Variants in CACNA2D3 observed in about 807,000 individuals in gnomAD.
The protein encoded by CACNA2D3 is voltage-dependent calcium channel subunit alpha-2/delta-3.
Under a neutral mutation model 160.6 loss-of-function variants are expected in CACNA2D3, and 60 were observed. The ratio of observed to expected loss-of-function variants is 0.37; its 90% CI spans 0.30 to 0.46. The LOEUF (loss-of-function observed/expected upper bound fraction) is 0.46, where lower values mean the gene tolerates loss of function less well. Among genes scored for constraint, CACNA2D3 ranks in the 20% least tolerant of loss-of-function variants. The pLI, the probability that CACNA2D3 is intolerant of heterozygous loss-of-function variation, is 1.00. For synonymous variants in CACNA2D3, 558 were observed against 492.9 expected, an observed-to-expected ratio of 1.13 and a Z score of -1.75; for missense variants, 1,205 against 1,365.0, an observed-to-expected ratio of 0.88 and a Z score of 1.85.
chr3:54,777,457 C>T (rs558648970), intron 13 of CACNA2D3, among the ~76,000 whole-genome samples: 1 of 152,200 alleles, frequency 6.6e-6, no homozygotes, highest in Non-Finnish European at 1.5e-5. Flanking sequence ...AGAAATTTCT[C>T]TCTTGTTCTG....
intron 13 of CACNA2D3, among the ~76,000 whole-genome samples, chr3:54,792,411 A>G (rs1330335053): frequency 6.6e-6 from 1 of 152,212 alleles, no homozygotes; most frequent in Non-Finnish European, 1.5e-5. Context: ...TTTGGCTGTG[A>G]CAGAATTCCA....
At chr3:54,674,627 G>A (rs1700209199) in intron 11 of CACNA2D3, among the ~76,000 whole-genome samples, 1 of 152,134 alleles carries the variant, frequency 6.6e-6, no homozygotes, top group South Asian at 2.1e-4. Flanking sequence ...GGTTCAAGTT[G>A]GTTGGAAGGA....
chr3:54,483,079 G>A (rs1373532639), intron 4 of CACNA2D3, among the ~76,000 whole-genome samples: 1 of 152,188 alleles, frequency 6.6e-6, no homozygotes, highest in Non-Finnish European at 1.5e-5. Context: ...AATGAGTGAT[G>A]AATCCTTTTA....
chr3:54,882,085 C>T (rs1167919655), intron 21 of CACNA2D3, among the ~76,000 whole-genome samples: 5 of 152,206 alleles, frequency 3.3e-5, no homozygotes, highest in African/African-American at 7.2e-5. Flanking sequence ...TTCCCAGAGA[C>T]ATGCCAGAGA....
chr3:54,692,123 G>C (rs1485661219), intron 11 of CACNA2D3, among the ~76,000 whole-genome samples: 1 of 151,984 alleles, frequency 6.6e-6, no homozygotes, highest in Non-Finnish European at 1.5e-5. Context: ...ACAGGCATGC[G>C]CCACCATGCC....
At chr3:54,250,475 C>G (rs754776928) in intron 2 of CACNA2D3, among the ~76,000 whole-genome samples, 16 of 152,040 alleles carry the variant, frequency 1.1e-4, no homozygotes, top group Non-Finnish European at 1.9e-4. Flanking sequence ...GCTTTGTCAC[C>G]TAGACTGGAG....
intron 2 of CACNA2D3, among the ~76,000 whole-genome samples, chr3:54,251,553 G>C (rs1374672121): frequency 5.3e-5 from 8 of 152,172 alleles, no homozygotes; most frequent in Admixed American, 2.0e-4. Context: ...TAGTGAGTGA[G>C]AATGAGTGGG....
chr3:54,839,558 C>G (rs1035704254), intron 16 of CACNA2D3, among the ~76,000 whole-genome samples: 1 of 152,214 alleles, frequency 6.6e-6, no homozygotes, highest in Admixed American at 6.5e-5. Context: ...ACCAAGCTGA[C>G]TGGCTAGCTG....
rs1703726838 is a variant in CACNA2D3 at position 54,825,253 on chromosome 3, AC to A, written c.1398+8386del. 3.3e-5 allele frequency among the ~76,000 whole-genome samples: 5 copies of A among 152,088 alleles called. No individual in the cohort carries two copies. The South Asian group carries it at 1.0e-3, about 32-fold the overall frequency. ...CTTACATCCTCGAAGATATAAAAAC[AC>A]CCTTCTTCCTTCTACACAGAAGGGA... On this transcript the variant is annotated intron_variant, in intron 14 of 37. Transcript: ENST00000474759.
intron 4 of CACNA2D3, among the ~76,000 whole-genome samples, chr3:54,417,298 T>C (rs774850817): frequency 3.3e-5 from 5 of 152,212 alleles, no homozygotes; most frequent in Non-Finnish European, 4.4e-5. Flanking sequence ...AAACAGACTT[T>C]CCCATGCTGG....
At chr3:54,715,518 C>A (rs757104615) in intron 11 of CACNA2D3, among the ~76,000 whole-genome samples, 3 of 151,858 alleles carry the variant, frequency 2.0e-5, no homozygotes, top group Admixed American at 6.6e-5. Context: ...ATGGGGGGGG[C>A]AGGGGGAGGT....
intron 27 of CACNA2D3, among the ~76,000 whole-genome samples, chr3:54,955,546 T>C (rs542465235): frequency 2.0e-5 from 3 of 152,236 alleles, no homozygotes; most frequent in East Asian, 3.9e-4. Context: ...GGAGAAACAA[T>C]ACTAAGCTAG....
chr3:54,841,231 AC>A (rs1372088780), intron 16 of CACNA2D3, among the ~76,000 whole-genome samples: 1 of 152,178 alleles, frequency 6.6e-6, no homozygotes, highest in African/African-American at 2.4e-5. Flanking sequence ...TGAAGTGGGG[AC>A]CCTTCGGCCT....
At chr3:54,472,625 A>G (rs142128684) in intron 4 of CACNA2D3, among the ~76,000 whole-genome samples, 2,957 of 152,298 alleles carry the variant, frequency 0.019, 76 homozygotes, top group East Asian at 0.11. Flanking sequence ...ATGATTGTAT[A>G]TTTAGAAAAC....
intron 4 of CACNA2D3, among the ~76,000 whole-genome samples, chr3:54,409,155 T>G (rs1699624627): frequency 6.6e-6 from 1 of 152,208 alleles, no homozygotes; most frequent in Non-Finnish European, 1.5e-5. Flanking sequence ...GTTGAACAAG[T>G]TTACTGGTGC....
intron 13 of CACNA2D3, among the ~76,000 whole-genome samples, chr3:54,766,594 T>C (rs1702228826): frequency 6.6e-6 from 1 of 152,202 alleles, no homozygotes; most frequent in Non-Finnish European, 1.5e-5. Flanking sequence ...CTTCTAAGAA[T>C]TCAACCCTGA....
At chr3:54,810,727 A>C (rs568156990) in intron 13 of CACNA2D3, among the ~76,000 whole-genome samples, 1 of 152,110 alleles carries the variant, frequency 6.6e-6, no homozygotes, top group Non-Finnish European at 1.5e-5. Flanking sequence ...CTTTAATTGG[A>C]GTTTTATGTT....
chr3:54,811,045 C>T (rs762429314), intron 13 of CACNA2D3, among the ~76,000 whole-genome samples: 7 of 152,144 alleles, frequency 4.6e-5, no homozygotes, highest in South Asian at 2.1e-4. Flanking sequence ...CCTGGGCTCT[C>T]GCTGTCCTCT....
chr3:54,139,961 T>G (rs1373929801), intron 2 of CACNA2D3, among the ~76,000 whole-genome samples: 1 of 152,186 alleles, frequency 6.6e-6, no homozygotes, highest in Non-Finnish European at 1.5e-5. Context: ...AACCGGAAGC[T>G]GGCCGTGGGT....
Sources: allele counts gnomAD v4.1 joint callset (sites outside exome capture counted in the v4.1 genomes callset), GRCh38; gene constraint gnomAD v4.1.1; transcripts MANE v1.5; gene names NCBI Gene and HGNC (gene_info 2026-07-23, HGNC 2026-07-21).